CELF2: variants seen among roughly 807,000 people sequenced by gnomAD.
CELF2 encodes the protein CUGBP Elav-like family member 2, also known as CUG triplet repeat RNA-binding protein 2.
In CELF2, 8 loss-of-function variants were observed where a neutral mutation model predicts 62.6. The observed-to-expected ratio is 0.13, with a 90% CI of 0.07 to 0.23. CELF2 has a LOEUF of 0.23. Among genes scored for constraint, CELF2 ranks in the 10% least tolerant of loss-of-function variants. The pLI, the probability that CELF2 is intolerant of heterozygous loss-of-function variation, is 1.00. For synonymous variants in CELF2, 258 were observed against 250.0 expected (o/e 1.03, Z -0.30); for missense variants, 333 against 671.0 (o/e 0.50, Z 5.56).
the CELF2 span, among the ~76,000 whole-genome samples, chr10:10,745,444 C>A: frequency 6.6e-6 from 1 of 152,274 alleles, no homozygotes; most frequent in Non-Finnish European, 1.5e-5. Flanking sequence ...CATCCAAATT[C>A]TTCTCTTCTT....
chr10:10,680,985 A>G, the CELF2 span, among the ~76,000 whole-genome samples: 1 of 152,316 alleles, frequency 6.6e-6, no homozygotes, highest in African/African-American at 2.4e-5. Context: ...TAAATTCCTC[A>G]TGTAAATAAT....
At chr10:11,170,128 CA>C (rs1392545901) in intron 2 of CELF2, among the ~76,000 whole-genome samples, 1 of 152,120 alleles carries the variant, frequency 6.6e-6, no homozygotes, top group African/African-American at 2.4e-5. Flanking sequence ...CTTAGACATG[CA>C]GTTTGTTTGT....
At chr10:11,170,782 A>G (rs2068619263) in intron 2 of CELF2, among the ~76,000 whole-genome samples, 1 of 152,164 alleles carries the variant, frequency 6.6e-6, no homozygotes, top group Non-Finnish European at 1.5e-5. Flanking sequence ...GAATCAGTAG[A>G]TAAATTATGT....
chr10:10,715,729 C>T, the CELF2 span, among the ~76,000 whole-genome samples: 2 of 152,096 alleles, frequency 1.3e-5, no homozygotes, highest in Non-Finnish European at 2.9e-5. Context: ...TAAAATAACT[C>T]CTCTCTCTGC....
chr10:11,175,260 G>A (rs968588378), intron 2 of CELF2, among the ~76,000 whole-genome samples: 4 of 152,068 alleles, frequency 2.6e-5, no homozygotes, highest in Non-Finnish European at 4.4e-5. Flanking sequence ...GCAAAGGTCC[G>A]GGAAGGTGAG....
chr10:11,298,709 A>G (rs1427493171), intron 9 of CELF2, among the ~76,000 whole-genome samples: 1 of 152,144 alleles, frequency 6.6e-6, no homozygotes, highest in African/African-American at 2.4e-5. Flanking sequence ...ACACATATTT[A>G]TATTTATGTA....
At chr10:11,058,894 C>T (rs1387246660) in intron 1 of CELF2, among the ~76,000 whole-genome samples, 2 of 152,162 alleles carry the variant, frequency 1.3e-5, no homozygotes, top group Non-Finnish European at 2.9e-5. Flanking sequence ...GATCCTTCTG[C>T]CTCAGTCTCC....
At chr10:11,024,720 C>T (rs929637171) in intron 1 of CELF2, among the ~76,000 whole-genome samples, 3 of 152,178 alleles carry the variant, frequency 2.0e-5, no homozygotes, top group African/African-American at 4.8e-5. Context: ...TCCAGTCTCC[C>T]CAGTGCCACA....
At chr10:10,706,306 A>G in the CELF2 span, among the ~76,000 whole-genome samples, 2 of 152,214 alleles carry the variant, frequency 1.3e-5, no homozygotes, top group Admixed American at 1.3e-4. Context: ...CACTAAGTAG[A>G]CACTCACTAA....
the CELF2 span, among the ~76,000 whole-genome samples, chr10:10,589,562 T>A: frequency 2.6e-5 from 4 of 152,158 alleles, no homozygotes; most frequent in African/African-American, 9.7e-5. Flanking sequence ...CTGAGCTAGG[T>A]AGCTGTGGCT....
the CELF2 span, among the ~76,000 whole-genome samples, chr10:10,777,513 G>A: frequency 1.8e-3 from 277 of 152,078 alleles, 1 homozygote; most frequent in African/African-American, 6.2e-3. Context: ...TCCAGCCTTC[G>A]CGACATCTTT....
intron 2 of CELF2, chr10:10,927,351 A>AAAAAAACC (rs1554884924): frequency 7.3e-6 from 1 of 137,650 alleles, no homozygotes; most frequent in Admixed American, 7.9e-5. Flanking sequence ...GACATTAAAA[A>AAAAAAACC]AAAAAAAAAA....
At chr10:11,263,401 AAAAG>A (rs1321905553) in intron 5 of CELF2, among the ~76,000 whole-genome samples, 1 of 152,132 alleles carries the variant, frequency 6.6e-6, no homozygotes, top group East Asian at 1.9e-4. Flanking sequence ...TCCCCACCAA[AAAAG>A]AAAGAAGTAT....
chr10:11,233,487 T>C lies in CELF2; in HGVS notation c.355-15666T>C, dbSNP rs751645125. Among the ~76,000 whole-genome samples, 34 of 152,328 alleles carry C rather than the reference T, an allele frequency of 2.2e-4. No individual in the cohort carries two copies. The Middle Eastern group carries it at 0.01, about 46-fold the overall frequency. On this transcript the variant is annotated intron_variant, in intron 3 of 12. Coordinates refer to ENST00000633077, the MANE Select transcript of CELF2 (RefSeq NM_001326342.2). The stretch of plus-strand genomic sequence containing the variant: ...CAGGCTGCTGCCAGCCAAATGTTTA[T>C]CTGAAAATCGGGCTTCTCTGCTAAA...
chr10:10,858,062 A>G (rs1350080339), intron 1 of CELF2, among the ~76,000 whole-genome samples: 1 of 152,166 alleles, frequency 6.6e-6, no homozygotes, highest in Non-Finnish European at 1.5e-5. Flanking sequence ...AAATGAACAC[A>G]GCTCCAATAA....
At chr10:10,686,966 T>A in the CELF2 span, among the ~76,000 whole-genome samples, 1 of 152,186 alleles carries the variant, frequency 6.6e-6, no homozygotes, top group African/African-American at 2.4e-5. Flanking sequence ...ACATAGTGGT[T>A]TTCCTACCTA....
the CELF2 span, among the ~76,000 whole-genome samples, chr10:10,753,318 TGTGTG>T: frequency 6.6e-6 from 1 of 151,948 alleles, no homozygotes; most frequent in Admixed American, 6.6e-5. Flanking sequence ...TGTGTGTGTG[TGTGTG>T]TGTGTGTTAA....
chr10:11,217,023 C>G lies in CELF2; in HGVS notation c.272-402C>G, dbSNP rs74115778. Among the ~76,000 whole-genome samples the G allele has an allele frequency of 6.6e-6, 1 of 152,176 alleles. No individual in the cohort carries two copies. The highest frequency in any genetic ancestry group is 1.5e-5 in the Non-Finnish European group (1 of 68,032). On this transcript the variant is annotated intron_variant, in intron 2 of 12. Transcript: ENST00000633077. The surrounding 1 kb of genome is among the most constrained non-coding windows in gnomAD (Gnocchi z 5.6). ...TTTAGAAAGTCTTTCAAAAACCTGA[C>G]GTTCTGGAGATACACTTTAAGAAAA...
At chr10:10,962,480 T>C (rs2049627236) in intron 2 of CELF2, among the ~76,000 whole-genome samples, 2 of 152,194 alleles carry the variant, frequency 1.3e-5, no homozygotes, top group Non-Finnish European at 2.9e-5. Flanking sequence ...CCCAGCACTT[T>C]GGGAGGCCAA....
Sources: allele counts gnomAD v4.1 joint callset (sites outside exome capture counted in the v4.1 genomes callset), GRCh38; gene constraint gnomAD v4.1.1; non-coding constraint Gnocchi (gnomAD v3.1); transcripts MANE v1.5; gene names NCBI Gene and HGNC (gene_info 2026-07-23, HGNC 2026-07-21).